Variants in PCDH11Y observed in about 807,000 individuals in gnomAD.
PCDH11Y encodes protocadherin-11 Y-linked.
For missense variants in PCDH11Y, 12 were observed against 224.8 expected, an observed-to-expected ratio of 0.05 and a Z score of 6.05; for synonymous variants, 9 against 83.6, an observed-to-expected ratio of 0.11 and a Z score of 4.87.
chrY:5,569,805 A>G, intron 3 of PCDH11Y, among the ~76,000 whole-genome samples: 2 of 33,288 alleles, frequency 6.0e-5, no homozygotes, highest in South Asian at 1.3e-3. Context: ...TTCTGTGTCA[A>G]TTCTCCAAAC....
chrY:5,279,400 C>CAAAAAA (rs1317323743), intron 2 of PCDH11Y, among the ~76,000 whole-genome samples: 1 of 521 alleles, frequency 1.9e-3, no homozygotes, highest in East Asian at 0.071. Flanking sequence ...AATTCTGTCT[C>CAAAAAA]AAAAAAAAAA....
At chrY:5,529,478 T>C in intron 3 of PCDH11Y, among the ~76,000 whole-genome samples, 1 of 32,264 alleles carries the variant, frequency 3.1e-5, no homozygotes, top group Non-Finnish European at 7.7e-5. Flanking sequence ...AAGAGTGTAA[T>C]TGGATTATTT....
chrY:5,385,926 G>C, intron 2 of PCDH11Y, among the ~76,000 whole-genome samples: 2 of 33,012 alleles, frequency 6.1e-5, no homozygotes, highest in African/African-American at 1.2e-4. Flanking sequence ...TGTATGTATA[G>C]ATTGTGAAGA....
At chrY:5,597,780 G>A (rs2053469050) in intron 4 of PCDH11Y, among the ~76,000 whole-genome samples, 1 of 32,063 alleles carries the variant, frequency 3.1e-5, no homozygotes, top group Non-Finnish European at 7.6e-5. Flanking sequence ...CTATGAGGAC[G>A]CAAAGACATA....
At chrY:5,217,414 A>G (rs2052948002) in intron 2 of PCDH11Y, among the ~76,000 whole-genome samples, 1 of 33,700 alleles carries the variant, frequency 3.0e-5, no homozygotes, top group Non-Finnish European at 7.3e-5. Context: ...TATGTGGTGG[A>G]GCAAGGACTT....
chrY:5,688,996 G>A (rs2053565799), intron 4 of PCDH11Y, among the ~76,000 whole-genome samples: 1 of 30,319 alleles, frequency 3.3e-5, no homozygotes, highest in African/African-American at 1.3e-4. Context: ...TCAGGAGTTC[G>A]AGACCAGCCT....
intron 2 of PCDH11Y, among the ~76,000 whole-genome samples, chrY:5,330,183 C>A: frequency 6.3e-5 from 2 of 31,847 alleles, no homozygotes; most frequent in African/African-American, 2.5e-4. Context: ...GTGGGGGTCG[C>A]AAGGTGCTCA....
intron 2 of PCDH11Y, among the ~76,000 whole-genome samples, chrY:5,154,851 A>G: frequency 3.0e-5 from 1 of 33,054 alleles, no homozygotes; most frequent in African/African-American, 1.2e-4. Context: ...ATAGTCTGCT[A>G]ATGTACTATG....
At chrY:5,320,302 G>A in intron 2 of PCDH11Y, among the ~76,000 whole-genome samples, 1 of 33,953 alleles carries the variant, frequency 2.9e-5, no homozygotes, top group Middle Eastern at 0.014. Context: ...CAAGGGTAAT[G>A]ACTTTGCTTT....
chrY:5,681,134 G>T, intron 4 of PCDH11Y, among the ~76,000 whole-genome samples: 1 of 33,106 alleles, frequency 3.0e-5, no homozygotes, highest in African/African-American at 1.2e-4. Flanking sequence ...ATAGAGCTCT[G>T]TATTAGTTTA....
At chrY:5,023,928 C>A in intron 1 of PCDH11Y, among the ~76,000 whole-genome samples, 2 of 32,799 alleles carry the variant, frequency 6.1e-5, no homozygotes, top group East Asian at 1.6e-3. Flanking sequence ...ATTAAAGTTA[C>A]ATTATTAAGA....
At chrY:5,490,533 A>G in intron 2 of PCDH11Y, among the ~76,000 whole-genome samples, 1 of 34,531 alleles carries the variant, frequency 2.9e-5, no homozygotes, top group Non-Finnish European at 7.3e-5. Context: ...AAAACAGAAC[A>G]GAATATTTGA....
chrY:5,258,029 G>T (rs904784456), intron 2 of PCDH11Y, among the ~76,000 whole-genome samples: 1 of 31,055 alleles, frequency 3.2e-5, no homozygotes, highest in Admixed American at 3.0e-4. Flanking sequence ...ATGTTTGTAG[G>T]TTGTATGTGT....
chrY:5,663,131 T>A (rs2053542346), intron 4 of PCDH11Y, among the ~76,000 whole-genome samples: 38 of 30,252 alleles, frequency 1.3e-3, no homozygotes, highest in African/African-American at 4.8e-3. Context: ...CACGCTAATA[T>A]AACAATTTAA....
chrY:5,197,973 G>A (rs2052922586), intron 2 of PCDH11Y, among the ~76,000 whole-genome samples: 3 of 26,999 alleles, frequency 1.1e-4, no homozygotes, highest in African/African-American at 4.4e-4. Flanking sequence ...AAAACTTAAA[G>A]TATAATAAAA....
chrY:5,105,013 C>A, downstream of PCDH11Y: 1 of 170,506 alleles, frequency 5.9e-6, no homozygotes, highest in South Asian at 2.1e-4. Flanking sequence ...GAGGCCGAGG[C>A]GGGTGGATCA....
At chrY:5,129,647 T>C (rs2124641019) in intron 2 of PCDH11Y, among the ~76,000 whole-genome samples, 1 of 32,477 alleles carries the variant, frequency 3.1e-5, no homozygotes, top group East Asian at 8.1e-4. Flanking sequence ...CCATATATAC[T>C]TTAGTTATTT....
intron 4 of PCDH11Y, among the ~76,000 whole-genome samples, chrY:5,683,439 G>A: frequency 3.1e-5 from 1 of 32,683 alleles, no homozygotes; most frequent in African/African-American, 1.2e-4. Context: ...TATCAGTCAC[G>A]CTTTTTCACA....
intron 1 of PCDH11Y, among the ~76,000 whole-genome samples, chrY:5,004,411 T>A: frequency 1.2e-4 from 4 of 34,039 alleles, no homozygotes; most frequent in African/African-American, 2.3e-4. Flanking sequence ...TTATTTATTT[T>A]TTGCGAGATA....
Sources: gnomAD v4.1 joint callset for allele counts (sites outside exome capture counted in the v4.1 genomes callset) on GRCh38, gnomAD v4.1.1 for gene constraint, MANE v1.5 for transcripts, NCBI Gene and HGNC (gene_info 2026-07-23, HGNC 2026-07-21) for gene names.